Variants in ACACB observed in about 807,000 individuals in gnomAD.
ACACB encodes acetyl-CoA carboxylase 2.
Under a neutral mutation model 278.8 loss-of-function variants are expected in ACACB, and 209 were observed. The ratio of observed to expected loss-of-function variants is 0.75; its 90% CI spans 0.67 to 0.84. The LOEUF is 0.84. ACACB is among the 40% of genes least tolerant of loss of function. The pLI, the probability that ACACB is intolerant of heterozygous loss-of-function variation, is 0.00. For synonymous variants in ACACB, 1,174 were observed against 1,285.6 expected, an observed-to-expected ratio of 0.91 and a Z score of 1.86; for missense variants, 2,850 against 3,269.0, an observed-to-expected ratio of 0.87 and a Z score of 3.13.
chr12:109,165,302 G>A (rs2043861837), intron 2 of ACACB, among the ~76,000 whole-genome samples: 1 of 152,112 alleles, frequency 6.6e-6, no homozygotes, highest in African/African-American at 2.4e-5. Flanking sequence ...GGAGAACAGA[G>A]GCCTTCAGGA....
intron 17 of ACACB, 106 bp from the exon 18 acceptor site, chr12:109,199,296 G>T: frequency 9.9e-7 from 1 of 1,006,110 alleles, no homozygotes; most frequent in South Asian, 3.2e-5. Flanking sequence ...AATGTAGAGG[G>T]TACACTCCCC....
At chr12:109,205,451 C>T (rs1299196038) in intron 19 of ACACB, among the ~76,000 whole-genome samples, 4 of 150,412 alleles carry the variant, frequency 2.7e-5, no homozygotes, top group Non-Finnish European at 5.9e-5. Flanking sequence ...ACCCTCAAGT[C>T]AGCTTTTTTT....
intron 15 of ACACB, among the ~76,000 whole-genome samples, chr12:109,192,571 AG>A (rs2044932730): frequency 6.6e-6 from 1 of 152,198 alleles, no homozygotes; most frequent in South Asian, 2.1e-4. Flanking sequence ...CCAATGTCCC[AG>A]GGTTAGGAGT....
rs147859723 is a variant in ACACB at position 109,142,111 on chromosome 12, T to G, written c.653+2053T>G. Among the ~76,000 whole-genome samples, 94 of 152,110 alleles carry G rather than the reference T, an allele frequency of 6.2e-4. 1 individual carries two copies. The highest frequency in any genetic ancestry group is 2.2e-3 in the African/African-American group (92 of 41,482). ...AAAAAAATTAAGAATTTGCCAGACA[T>G]TGTGGTGCATACCTATAGTTCTAGC... is the stretch of plus-strand genomic sequence containing the variant. On this transcript the variant is annotated intron_variant, in intron 2 of 52. Transcript: ENST00000338432.
At position 109,253,286 on chromosome 12, in the gene ACACB, G is replaced by A. The variant is rs1202848169; in HGVS notation, c.6045+128G>A. On this transcript the variant is annotated intron_variant, in intron 43 of 52. Coordinates refer to ENST00000338432, the MANE Select transcript of ACACB (RefSeq NM_001093.4). ...CAGGAAGCACTGCACATGTGGCTGG[G>A]GTTGATTTTTCTTACTCCTTCTTCC... is the stretch of plus-strand genomic sequence containing the variant. 4 of 1,072,918 alleles carry A rather than the reference G, an allele frequency of 3.7e-6. No homozygotes were observed. The African/African-American group carries it at 4.7e-5, about 13-fold the overall frequency. 66.5% of individuals were successfully genotyped at this position (1,072,918 alleles called of 1,614,324 possible). A position where few individuals can be genotyped will look rare whatever the true frequency, so the allele number is the denominator to read the frequency against.
chr12:109,232,431 A>G (rs564726338), intron 28 of ACACB, among the ~76,000 whole-genome samples: 2 of 152,306 alleles, frequency 1.3e-5, no homozygotes, highest in South Asian at 2.1e-4. Context: ...ACTCTCATGC[A>G]TGAATCATTG....
intron 2 of ACACB, chr12:109,154,688 G>C (rs1193905669): frequency 1.3e-5 from 2 of 152,394 alleles, no homozygotes; most frequent in Admixed American, 6.5e-5. Flanking sequence ...TGCATTTCGG[G>C]ATGGAGCAAG....
At chr12:109,182,781 G>T (rs2044523400) in intron 11 of ACACB, among the ~76,000 whole-genome samples, 1 of 152,080 alleles carries the variant, frequency 6.6e-6, no homozygotes, top group Non-Finnish European at 1.5e-5. Context: ...TTCCTTTGCT[G>T]TGCAGAAGTT....
chr12:109,216,975 C>G, intron 24 of ACACB, 55 bp downstream of exon 24: 7 of 1,580,450 alleles, frequency 4.4e-6, no homozygotes, highest in African/African-American at 1.3e-5. Flanking sequence ...AGTCCACAAA[C>G]GTTTTCTTAA....
chr12:109,251,076 C>A lies in ACACB; in HGVS notation c.5791-970C>A, dbSNP rs187702495. Among the ~76,000 whole-genome samples the A allele has an allele frequency of 4.9e-4, 74 of 152,196 alleles. No homozygotes were observed. The East Asian group carries it at 0.012, about 24-fold the overall frequency. On this transcript the variant is annotated intron_variant, in intron 41 of 52. Transcript: ENST00000338432. ...CTTGAGGCTTTCCTCCTTTACCAGTCGAGTGTTCCTAGAAGAAGGGCACGG... is the reference window on the plus strand; with the variant it reads ...CTTGAGGCTTTCCTCCTTTACCAGTAGAGTGTTCCTAGAAGAAGGGCACGG...
At chr12:109,257,334 C>T (rs1047991065) in intron 45 of ACACB, among the ~76,000 whole-genome samples, 1 of 150,938 alleles carries the variant, frequency 6.6e-6, no homozygotes, top group African/African-American at 2.4e-5. Flanking sequence ...AAAAAAAAAT[C>T]CACTCCTTCT....
At chr12:109,249,358 G>A (rs192015300) in intron 40 of ACACB, 4 of 152,334 alleles carry the variant, frequency 2.6e-5, no homozygotes, top group South Asian at 2.1e-4. Flanking sequence ...GCTTTTATCT[G>A]TATCTATCTG....
chr12:109,144,346 C>A lies in ACACB; in HGVS notation c.653+4288C>A, dbSNP rs139040222. Among the ~76,000 whole-genome samples, 1,015 of 152,186 alleles carry A rather than the reference C, an allele frequency of 6.7e-3. 12 individuals are homozygous for A. Among genetic ancestry groups the A allele is most frequent in the African/African-American group, 0.023 (949 of 41,528 alleles). On this transcript the variant is annotated intron_variant, in intron 2 of 52. Coordinates refer to ENST00000338432, the MANE Select transcript of ACACB (RefSeq NM_001093.4). ...AATAAATAAATAAAATGAGGCTGAG[C>A]ATTTTATTATCTTGTAGAGCTTTTG...
At position 109,264,462 on chromosome 12, in the gene ACACB, G is replaced by C. The variant is rs994909674; in HGVS notation, c.6942+76G>C. ...AAAACATGGAGGACATTTGGGCTCG[G>C]GGGCGGGGAGGGCGGTGGTGGTTGG... On this transcript the variant is annotated intron_variant, in intron 50 of 52. Coordinates refer to ENST00000338432, the MANE Select transcript of ACACB (RefSeq NM_001093.4). 3.2e-6 allele frequency: 5 copies of C among 1,561,152 alleles called. No homozygotes were observed. In the East Asian group the frequency reaches 9.1e-5, roughly 28 times the overall value.
At chr12:109,213,570 T>G (rs536567899) in intron 22 of ACACB, among the ~76,000 whole-genome samples, 1 of 152,280 alleles carries the variant, frequency 6.6e-6, no homozygotes, top group South Asian at 2.1e-4. Context: ...GGTTTCCCGC[T>G]GCAGGACTAT....
intron 2 of ACACB, among the ~76,000 whole-genome samples, chr12:109,157,764 G>C (rs969942785): frequency 6.6e-6 from 1 of 152,232 alleles, no homozygotes; most frequent in Non-Finnish European, 1.5e-5. Context: ...CTGAGAAGGT[G>C]AGGTCGCAAA....
intron 50 of ACACB, among the ~76,000 whole-genome samples, chr12:109,264,728 C>G (rs1202947932): frequency 6.6e-6 from 1 of 152,144 alleles, no homozygotes; most frequent in Non-Finnish European, 1.5e-5. Flanking sequence ...CAGCATTCAC[C>G]CACCCCTCAC....
chr12:109,260,532 A>G lies in ACACB; in HGVS notation c.6549A>G (p.Arg2183=), dbSNP rs746064537. ...GAGCCTACATCGTGGACGGCCTTAG[A>G]CAATACAAACAGCCCATCCTGATCT... ...KFGAYIVDGL[R]QYKQPILIYI... The change falls in exon 48 of 53, where the codon AGA becomes AGG. Residue 2183 remains arginine, a synonymous_variant. Coordinates refer to ENST00000338432, the MANE Select transcript of ACACB (RefSeq NM_001093.4). 1 of 1,614,114 alleles carries G rather than the reference A, an allele frequency of 6.2e-7. No individual in the cohort carries two copies. The highest frequency in any genetic ancestry group is 8.5e-7 in the Non-Finnish European group (1 of 1,180,050).
intron 4 of ACACB, among the ~76,000 whole-genome samples, chr12:109,168,522 A>T (rs1026840734): frequency 6.6e-6 from 1 of 152,156 alleles, no homozygotes; most frequent in Non-Finnish European, 1.5e-5. Flanking sequence ...AGGTTGTTAA[A>T]AACAAAAACC....
Sources: allele counts gnomAD v4.1 joint callset (sites outside exome capture counted in the v4.1 genomes callset), GRCh38; gene constraint gnomAD v4.1.1; transcripts MANE v1.5; gene names NCBI Gene and HGNC (gene_info 2026-07-23, HGNC 2026-07-21).